Variants in VPS13D observed in about 807,000 individuals in gnomAD.
VPS13D encodes intermembrane lipid transfer protein VPS13D.
Under a neutral mutation model 461.9 loss-of-function variants are expected in VPS13D, and 187 were observed. The ratio of observed to expected loss-of-function variants is 0.40; its 90% CI spans 0.36 to 0.46. The LOEUF (loss-of-function observed/expected upper bound fraction) is 0.46. Among genes scored for constraint, VPS13D ranks in the 20% least tolerant of loss-of-function variants. The pLI, the probability that VPS13D is intolerant of heterozygous loss-of-function variation, is 0.60. For synonymous variants in VPS13D, 1,951 were observed against 1,986.3 expected, an observed-to-expected ratio of 0.98 and a Z score of 0.47; for missense variants, 4,711 against 5,364.9, an observed-to-expected ratio of 0.88 and a Z score of 3.81.
chr1:12,320,478 A>C (rs1026416056), intron 32 of VPS13D, among the ~76,000 whole-genome samples: 11 of 152,310 alleles, frequency 7.2e-5, no homozygotes, highest in Admixed American at 2.0e-4. Context: ...TGAAGGAATA[A>C]AACTTATTTT....
In VPS13D at chr1:12,304,708, G is replaced by T; in HGVS notation, c.6419G>T (p.Gly2140Val). ...GGGCCGCAACCCACACTGTCTGTTGGCCAAGAGTCCAGTAGTCCAGGTAAA... is the reference window on the plus strand; with the variant it reads ...GGGCCGCAACCCACACTGTCTGTTGTCCAAGAGTCCAGTAGTCCAGGTAAA... ...QQGPQPTLSV[G>V]QESSSPEDHV... The change falls in exon 26 of 70, where the codon GGC becomes GTC. Residue 2140 changes from glycine (G) to valine (V), a missense_variant. Physicochemically the swap from Gly to Val is moderately radical, Grantham distance 109 (BLOSUM62 -3). Around this residue, in one of 3 missense-constraint regions of VPS13D, gnomAD observed 4,411 missense variants for 4,937.8 expected, o/e 0.89. Coordinates refer to ENST00000620676, the MANE Select transcript of VPS13D (RefSeq NM_015378.4). The T allele has an allele frequency of 6.2e-7, 1 of 1,613,876 alleles. No homozygotes were observed. Among genetic ancestry groups the T allele is most frequent in the Non-Finnish European group, 8.5e-7 (1 of 1,180,014 alleles).
At position 12,279,432 on chromosome 1, in the gene VPS13D, G is replaced by T. The variant is rs759999663; in HGVS notation, c.4451-67G>T. On this transcript the variant is annotated intron_variant, in intron 19 of 69. Transcript: ENST00000620676. The surrounding 1 kb of genome is among the most constrained non-coding windows in gnomAD (Gnocchi z 4.3). ...ATGGGCTGTATTTTGTATATTCTAC[G>T]TTTAATCAGCAGTAATGAAGTAAAT... The T allele has an allele frequency of 6.8e-7, 1 of 1,480,376 alleles. No homozygotes were observed. The highest frequency in any genetic ancestry group is 1.4e-5 in the African/African-American group (1 of 72,236). 91.7% of individuals were successfully genotyped at this position (1,480,376 alleles called of 1,614,324 possible).
Position 12,257,001 on chromosome 1 carries a change from A to G in VPS13D, c.855A>G (p.Gln285=). The change falls in exon 9 of 70, where the codon CAA becomes CAG. Residue 285 remains glutamine, a synonymous_variant. Coordinates refer to ENST00000620676, the MANE Select transcript of VPS13D (RefSeq NM_015378.4). The part of the protein sequence containing the change: ...PLKLSQLQYR[Q]IMEFLKELER... ...CTAATACAAAGCTGCAATACCGGCA[A>G]ATCATGGAATTCCTCAAGGAGCTGG... 1 of 1,614,208 alleles carries G rather than the reference A, an allele frequency of 6.2e-7. No homozygotes were observed. Among genetic ancestry groups the G allele is most frequent in the Non-Finnish European group, 8.5e-7 (1 of 1,180,036 alleles).
At chr1:12,459,931 C>T (rs1028095445) in intron 66 of VPS13D, among the ~76,000 whole-genome samples, 1 of 151,464 alleles carries the variant, frequency 6.6e-6, no homozygotes, top group African/African-American at 2.4e-5. Context: ...CACTGTTAAC[C>T]TCTCAGCTTT....
intron 33 of VPS13D, 59 bp from the exon 34 acceptor site, chr1:12,322,477 A>G: frequency 6.6e-7 from 1 of 1,508,720 alleles, no homozygotes; most frequent in Non-Finnish European, 9.2e-7. Context: ...TCTGTAAGAG[A>G]TATGGATGTA....
chr1:12,449,747 A>G (rs1320691387), intron 65 of VPS13D, among the ~76,000 whole-genome samples: 1 of 152,178 alleles, frequency 6.6e-6, no homozygotes, highest in African/African-American at 2.4e-5. Flanking sequence ...AAAGTCCCAT[A>G]CTACTTCTAA....
At chr1:12,310,110 A>G (rs1035124247) in intron 27 of VPS13D, among the ~76,000 whole-genome samples, 3 of 152,148 alleles carry the variant, frequency 2.0e-5, no homozygotes, top group African/African-American at 7.2e-5. Flanking sequence ...ACAAAAAAAA[A>G]GCTTTCCTAT....
At chr1:12,251,433 T>G (rs1057310819) in intron 6 of VPS13D, among the ~76,000 whole-genome samples, 2 of 152,226 alleles carry the variant, frequency 1.3e-5, no homozygotes, top group Non-Finnish European at 2.9e-5. Context: ...CTAATGAAAT[T>G]CCCTGTTCTG....
chr1:12,230,459 C>T (rs1443929089), intron 1 of VPS13D, among the ~76,000 whole-genome samples: 5 of 152,132 alleles, frequency 3.3e-5, no homozygotes, highest in Non-Finnish European at 7.4e-5. Context: ...CCGCTGGACC[C>T]CGGCACACTT....
chr1:12,277,971 T>C lies in VPS13D; in HGVS notation c.4383T>C (p.Ser1461=), dbSNP rs1412314645. 1 of 1,614,232 alleles carries C rather than the reference T, an allele frequency of 6.2e-7. No homozygotes were observed. The highest frequency in any genetic ancestry group is 8.5e-7 in the Non-Finnish European group (1 of 1,180,040). The change falls in exon 19 of 70, where the codon AGT becomes AGC. Residue 1461 remains serine, a synonymous_variant. Transcript: ENST00000620676. ...RMFCPPSGSG[S]ANSQEEAHFT... is the part of the protein sequence containing the mutation. ...TTTGCCCACCTTCCGGGTCTGGCAG[T>C]GCCAACAGTCAGGAGGAAGCTCATT...
chr1:12,277,650 C>G lies in VPS13D; in HGVS notation c.4062C>G (p.Ile1354Met). The change falls in exon 19 of 70, where the codon ATC becomes ATG. Residue 1354 changes from isoleucine to methionine, a missense_variant. Physicochemically the swap from Ile to Met is conservative, Grantham distance 10. This residue lies in a region of VPS13D where 4,411 missense variants were observed against 4,937.8 expected (regional missense o/e 0.89). Transcript: ENST00000620676. ...ETPRKTREPF[I>M]LEENEIYGFD... ...CAAGGAAGACTCGGGAACCCTTTATCTTAGAGGAAAATGAAATATATGGGT... is the reference window on the plus strand; with the variant it reads ...CAAGGAAGACTCGGGAACCCTTTATGTTAGAGGAAAATGAAATATATGGGT... 6.2e-7 allele frequency: 1 copy of G among 1,614,110 alleles called. No individual in the cohort carries two copies. Among genetic ancestry groups the G allele is most frequent in the Non-Finnish European group, 8.5e-7 (1 of 1,180,016 alleles).
At chr1:12,464,409 A>G (rs772457127) in intron 67 of VPS13D, among the ~76,000 whole-genome samples, 1 of 152,164 alleles carries the variant, frequency 6.6e-6, no homozygotes, top group Non-Finnish European at 1.5e-5. Context: ...CTTAGATCTT[A>G]GCATCTATGT....
At position 12,279,408 on chromosome 1, in the gene VPS13D, T is replaced by C. The variant is rs1641711676; in HGVS notation, c.4451-91T>C. ...GCCCTCCTGGTCTAAGTGTAACTCATGGGCTGTATTTTGTATATTCTACGT... is the reference window on the plus strand; with the variant it reads ...GCCCTCCTGGTCTAAGTGTAACTCACGGGCTGTATTTTGTATATTCTACGT... On this transcript the variant is annotated intron_variant, in intron 19 of 69. Coordinates refer to ENST00000620676, the MANE Select transcript of VPS13D (RefSeq NM_015378.4). The surrounding 1 kb of genome is among the most constrained non-coding windows in gnomAD (Gnocchi z 4.3). 1 of 1,394,956 alleles carries C rather than the reference T, an allele frequency of 7.2e-7. No homozygotes were observed. The highest frequency in any genetic ancestry group is 2.4e-5 in the East Asian group (1 of 42,528). The allele number at this position is 1,394,956 out of a possible 1,614,324, so 86.4% of individuals were successfully genotyped here.
intron 41 of VPS13D, among the ~76,000 whole-genome samples, chr1:12,342,226 C>G (rs1643585744): frequency 6.6e-6 from 1 of 152,170 alleles, no homozygotes; most frequent in African/African-American, 2.4e-5. Flanking sequence ...GTGTGGTTAT[C>G]ACACCAAATG....
chr1:12,491,673 G>A (rs74685913), intron 67 of VPS13D, among the ~76,000 whole-genome samples: 3 of 152,282 alleles, frequency 2.0e-5, no homozygotes, highest in Middle Eastern at 3.4e-3. Flanking sequence ...TCACTGGAAG[G>A]ATATCTGCAG....
chr1:12,295,829 G>A (rs969940713), intron 24 of VPS13D, among the ~76,000 whole-genome samples: 2 of 152,130 alleles, frequency 1.3e-5, no homozygotes, highest in African/African-American at 4.8e-5. Flanking sequence ...CCGTTCCCCT[G>A]TCAACTCCTC....
chr1:12,348,705 C>T, intron 44 of VPS13D, 118 bp from the exon 45 acceptor site: 1 of 1,257,296 alleles, frequency 8.0e-7, no homozygotes, highest in South Asian at 1.5e-5. Flanking sequence ...TGACTGATTT[C>T]ACTGAAGAAC....
At chr1:12,499,117 T>C (rs1363851023) in intron 68 of VPS13D, among the ~76,000 whole-genome samples, 1 of 152,022 alleles carries the variant, frequency 6.6e-6, no homozygotes, top group East Asian at 1.9e-4. Flanking sequence ...ATGGAACTTT[T>C]AGCCTTTGGA....
At chr1:12,431,406 C>T (rs1195373929) in intron 65 of VPS13D, among the ~76,000 whole-genome samples, 1 of 149,720 alleles carries the variant, frequency 6.7e-6, no homozygotes, top group Non-Finnish European at 1.5e-5. Context: ...GTTCTCAAAG[C>T]TAATTAGTCA....
Sources: gnomAD v4.1 joint callset for allele counts (sites outside exome capture counted in the v4.1 genomes callset) on GRCh38, gnomAD v4.1.1 for gene constraint, gnomAD v4.1.1 regional missense constraint, Gnocchi (gnomAD v3.1) non-coding constraint, MANE v1.5 for transcripts, NCBI Gene and HGNC (gene_info 2026-07-23, HGNC 2026-07-21) for gene names.